Variants in CDYL2 observed in about 807,000 individuals in gnomAD.
CDYL2 encodes chromodomain Y like 2.
In CDYL2, 23 loss-of-function variants were observed where a neutral mutation model predicts 49.4. The observed-to-expected ratio is 0.47, with a 90% CI of 0.34 to 0.66. The LOEUF is 0.66. CDYL2 is among the 30% of genes least tolerant of loss of function. The pLI is 0.01. For missense variants in CDYL2, 678 were observed against 656.4 expected (o/e 1.03, Z -0.36); for synonymous variants, 360 against 268.8 (o/e 1.34, Z -3.32).
At chr16:80,695,297 A>G (rs1323568181) in intron 1 of CDYL2, among the ~76,000 whole-genome samples, 1 of 152,242 alleles carries the variant, frequency 6.6e-6, no homozygotes, top group Non-Finnish European at 1.5e-5. Flanking sequence ...ACTTATCACT[A>G]TACAAAACCA....
At chr16:80,777,043 A>C (rs1907108877) in intron 1 of CDYL2, among the ~76,000 whole-genome samples, 1 of 151,602 alleles carries the variant, frequency 6.6e-6, no homozygotes, top group Non-Finnish European at 1.5e-5. Flanking sequence ...GCTGGTCTCG[A>C]CCTCCTAAGC....
At chr16:80,758,862 T>A (rs559679955) in intron 1 of CDYL2, among the ~76,000 whole-genome samples, 2 of 151,734 alleles carry the variant, frequency 1.3e-5, no homozygotes, top group Non-Finnish European at 2.9e-5. Context: ...CTTCTAATCA[T>A]ATCAAAAAAT....
chr16:80,675,840 C>A (rs372797919), intron 2 of CDYL2, among the ~76,000 whole-genome samples: 1 of 152,144 alleles, frequency 6.6e-6, no homozygotes, highest in Admixed American at 6.5e-5. Context: ...TCCACTCCCC[C>A]ACTATACCCT....
At chr16:80,782,939 A>G (rs1907320588) in intron 1 of CDYL2, among the ~76,000 whole-genome samples, 2 of 152,196 alleles carry the variant, frequency 1.3e-5, no homozygotes. Flanking sequence ...ATCAGGAATA[A>G]GACAATGATG....
intron 2 of CDYL2, among the ~76,000 whole-genome samples, chr16:80,647,021 A>T (rs1908379946): frequency 6.6e-6 from 1 of 152,178 alleles, no homozygotes; most frequent in African/African-American, 2.4e-5. Flanking sequence ...GTCATTATAT[A>T]ATGATAAATA....
intron 3 of CDYL2, among the ~76,000 whole-genome samples, chr16:80,624,296 C>G (rs1907210737): frequency 1.3e-5 from 2 of 152,150 alleles, no homozygotes; most frequent in Admixed American, 1.3e-4. Flanking sequence ...CAGGACAAGC[C>G]ACTCCAGCAA....
At chr16:80,725,969 C>T (rs1013040766) in intron 1 of CDYL2, among the ~76,000 whole-genome samples, 1 of 152,214 alleles carries the variant, frequency 6.6e-6, no homozygotes, top group African/African-American at 2.4e-5. Flanking sequence ...CCTGCTCTTA[C>T]AAAGGCCAAC....
intron 3 of CDYL2, among the ~76,000 whole-genome samples, chr16:80,624,193 C>A (rs886689303): frequency 2.0e-5 from 3 of 152,204 alleles, no homozygotes; most frequent in African/African-American, 7.2e-5. Context: ...AAGGTACAGG[C>A]TTTGGAGACA....
chr16:80,728,705 G>T (rs540698152), intron 1 of CDYL2, among the ~76,000 whole-genome samples: 2 of 152,032 alleles, frequency 1.3e-5, no homozygotes, highest in African/African-American at 2.4e-5. Context: ...GAGAAAGGTC[G>T]GGTTACCCAC....
chr16:80,705,572 G>A (rs970653868), intron 1 of CDYL2, among the ~76,000 whole-genome samples: 1 of 152,240 alleles, frequency 6.6e-6, no homozygotes, highest in East Asian at 1.9e-4. Flanking sequence ...ACAAAGATCT[G>A]TTGCAGGCCT....
At chr16:80,769,544 T>A (rs1350475192) in intron 1 of CDYL2, among the ~76,000 whole-genome samples, 3 of 152,208 alleles carry the variant, frequency 2.0e-5, no homozygotes, top group African/African-American at 4.8e-5. Flanking sequence ...CTCACTGATA[T>A]TAGGCTGTCA....
intron 1 of CDYL2, among the ~76,000 whole-genome samples, chr16:80,747,261 G>C (rs545459365): frequency 5.9e-5 from 9 of 152,168 alleles, no homozygotes; most frequent in Non-Finnish European, 1.0e-4. Context: ...GAGGATCTCA[G>C]CATCTAGCAT....
chr16:80,639,666 T>G (rs547594397), intron 2 of CDYL2: 1 of 455,658 alleles, frequency 2.2e-6, no homozygotes, highest in Non-Finnish European at 4.4e-6. Flanking sequence ...AGGTGAGCAC[T>G]CACAGGACCC....
intron 6 of CDYL2, among the ~76,000 whole-genome samples, chr16:80,606,384 T>C (rs1301612205): frequency 6.6e-6 from 1 of 152,196 alleles, no homozygotes; most frequent in Non-Finnish European, 1.5e-5. Flanking sequence ...CCTTCAACAC[T>C]TGGTTTCACC....
At chr16:80,644,802 T>C (rs1447304113) in intron 2 of CDYL2, among the ~76,000 whole-genome samples, 1 of 152,108 alleles carries the variant, frequency 6.6e-6, no homozygotes, top group South Asian at 2.1e-4. Flanking sequence ...TACAGACCAA[T>C]GGAACAGAAC....
At chr16:80,672,693 C>G (rs1033562253) in intron 2 of CDYL2, among the ~76,000 whole-genome samples, 2 of 152,126 alleles carry the variant, frequency 1.3e-5, no homozygotes, top group African/African-American at 2.4e-5. Context: ...GGCCAGCTGC[C>G]TAACTAACTT....
chr16:80,780,363 T>A (rs1468925661), intron 1 of CDYL2, among the ~76,000 whole-genome samples: 2 of 151,676 alleles, frequency 1.3e-5, no homozygotes, highest in Non-Finnish European at 2.9e-5. Context: ...TATGCAAGGC[T>A]GTACATGAGG....
chr16:80,769,328 G>C (rs988042637), intron 1 of CDYL2, among the ~76,000 whole-genome samples: 2 of 152,212 alleles, frequency 1.3e-5, no homozygotes, highest in African/African-American at 4.8e-5. Context: ...AGTTAATGGA[G>C]GTGATGCTGA....
intron 2 of CDYL2, chr16:80,639,750 C>G (rs938545125): frequency 2.2e-6 from 1 of 455,848 alleles, no homozygotes; most frequent in Non-Finnish European, 4.4e-6. Context: ...AACGCCACCT[C>G]TCTCCCCTCC....
Sources: gnomAD v4.1 joint callset for allele counts (sites outside exome capture counted in the v4.1 genomes callset) on GRCh38, gnomAD v4.1.1 for gene constraint, MANE v1.5 for transcripts, NCBI Gene and HGNC (gene_info 2026-07-23, HGNC 2026-07-21) for gene names.